Variants in EPHA5 observed in about 807,000 individuals in gnomAD.
EPHA5 encodes the protein ephrin type-A receptor 5.
EPHA5 carries 60 observed loss-of-function variants against 105.0 expected under a neutral mutation model. The observed-to-expected ratio is 0.57, with a 90% CI of 0.46 to 0.71. EPHA5 has a LOEUF of 0.71. Among genes scored for constraint, EPHA5 ranks in the 30% least tolerant of loss-of-function variants. EPHA5 has a pLI of 0.00. For missense variants in EPHA5, 1,218 were observed against 1,274.7 expected, an observed-to-expected ratio of 0.96 and a Z score of 0.68; for synonymous variants, 513 against 449.1, an observed-to-expected ratio of 1.14 and a Z score of -1.80.
intron 1 of EPHA5, among the ~76,000 whole-genome samples, chr4:65,652,151 C>G (rs1186101687): frequency 6.6e-6 from 1 of 152,122 alleles, no homozygotes; most frequent in Non-Finnish European, 1.5e-5. Flanking sequence ...TAATTCCACC[C>G]TACTATGTAT....
chr4:65,321,767 A>T lies in EPHA5; in HGVS notation c.*2347T>A, dbSNP rs1187860780. On this transcript the variant is annotated 3_prime_UTR_variant, in exon 17 of 17. Coordinates refer to ENST00000613740, the MANE Select transcript of EPHA5 (RefSeq NM_001281766.3). ...AGATACACTCCACCCGGACCTCCTA[A>T]TTATCTTTCAGCATATAAAGTTGGA... is the stretch of plus-strand genomic sequence containing the variant. The T allele has an allele frequency of 4.4e-6, 1 of 227,906 alleles. No individual in the cohort carries two copies. The highest frequency in any genetic ancestry group is 2.2e-5 in the African/African-American group (1 of 45,008). 14.1% of individuals were successfully genotyped at this position (227,906 alleles called of 1,614,324 possible). A position where few individuals can be genotyped will look rare whatever the true frequency, so the allele number is the denominator to read the frequency against.
chr4:65,648,005 A>G (rs951163745), intron 1 of EPHA5, among the ~76,000 whole-genome samples: 40 of 152,212 alleles, frequency 2.6e-4, no homozygotes, highest in African/African-American at 8.0e-4. Flanking sequence ...AGTCTTTAGT[A>G]TGCTTTAATT....
intron 14 of EPHA5, among the ~76,000 whole-genome samples, chr4:65,343,314 T>A (rs1412714158): frequency 6.6e-6 from 1 of 152,128 alleles, no homozygotes; most frequent in Non-Finnish European, 1.5e-5. Flanking sequence ...GTTGTTCTAG[T>A]TTATTTTCAT....
chr4:65,396,706 C>T (rs916756970), intron 8 of EPHA5, among the ~76,000 whole-genome samples: 23 of 152,182 alleles, frequency 1.5e-4, no homozygotes, highest in African/African-American at 4.8e-4. Context: ...ATCCCACTGC[C>T]TTCCTGGAAA....
At chr4:65,517,479 T>A (rs1393629905) in intron 3 of EPHA5, among the ~76,000 whole-genome samples, 2 of 151,946 alleles carry the variant, frequency 1.3e-5, no homozygotes, top group Non-Finnish European at 2.9e-5. Context: ...ACTCTAATGA[T>A]CTGCACCTTT....
rs574117420 is a variant in EPHA5 at position 65,541,989 on chromosome 4, C to T, written c.911-46446G>A. 7.9e-5 allele frequency among the ~76,000 whole-genome samples: 12 copies of T among 152,036 alleles called. No individual in the cohort carries two copies. In the East Asian group the frequency reaches 2.3e-3, roughly 29 times the overall value. On this transcript the variant is annotated intron_variant, in intron 3 of 16. Coordinates refer to ENST00000613740, the MANE Select transcript of EPHA5 (RefSeq NM_001281766.3). Reference sequence around the variant, plus strand: ...AATTGAACAACCTGTTCCTAAATGACTCCTGGGTAAATAATTAAAGTAAGG... The same window carrying T: ...AATTGAACAACCTGTTCCTAAATGATTCCTGGGTAAATAATTAAAGTAAGG...
At chr4:65,629,134 T>C (rs1048474030) in intron 2 of EPHA5, among the ~76,000 whole-genome samples, 1 of 152,170 alleles carries the variant, frequency 6.6e-6, no homozygotes, top group Admixed American at 6.5e-5. Context: ...AAATTCCACA[T>C]AGGAAAAGCA....
intron 3 of EPHA5, among the ~76,000 whole-genome samples, chr4:65,522,316 G>GTGTATATATATATATATATATATA (rs777066757): frequency 7.0e-6 from 1 of 142,860 alleles, no homozygotes; most frequent in Non-Finnish European, 1.5e-5. Context: ...ATATATATAT[G>GTGTATATATATATATATATATATA]TATATATATA....
At chr4:65,384,503 T>C (rs1009542633) in intron 8 of EPHA5, among the ~76,000 whole-genome samples, 2 of 151,862 alleles carry the variant, frequency 1.3e-5, no homozygotes, top group Admixed American at 1.3e-4. Flanking sequence ...CCTAGGATGC[T>C]CTGATTTTAG....
intron 4 of EPHA5, among the ~76,000 whole-genome samples, chr4:65,492,201 T>A (rs566826928): frequency 1.3e-5 from 2 of 152,146 alleles, no homozygotes; most frequent in South Asian, 4.2e-4. Context: ...GGATAGAATG[T>A]CATTTATCTA....
At chr4:65,598,316 C>T (rs927095319) in intron 3 of EPHA5, among the ~76,000 whole-genome samples, 2 of 152,012 alleles carry the variant, frequency 1.3e-5, no homozygotes, top group African/African-American at 4.8e-5. Context: ...AAAGACATAT[C>T]CATCAATTTT....
chr4:65,379,762 A>T (rs1349015643), intron 8 of EPHA5, among the ~76,000 whole-genome samples: 1 of 151,752 alleles, frequency 6.6e-6, no homozygotes, highest in East Asian at 1.9e-4. Context: ...CTAAATAAAC[A>T]TTACATTCAG....
chr4:65,370,412 C>T (rs2148903073), intron 8 of EPHA5, among the ~76,000 whole-genome samples: 1 of 151,804 alleles, frequency 6.6e-6, no homozygotes, highest in African/African-American at 2.4e-5. Flanking sequence ...TAAAATTATC[C>T]AGAGATTTAT....
chr4:65,560,129 A>G (rs988050954), intron 3 of EPHA5, among the ~76,000 whole-genome samples: 1 of 152,142 alleles, frequency 6.6e-6, no homozygotes, highest in African/African-American at 2.4e-5. Context: ...TGGAACCTAC[A>G]GCTCATTCTT....
chr4:65,543,322 C>G (rs1331405075), intron 3 of EPHA5, among the ~76,000 whole-genome samples: 1 of 151,832 alleles, frequency 6.6e-6, no homozygotes, highest in East Asian at 1.9e-4. Flanking sequence ...TTTAGAAAAC[C>G]CCATCATCTC....
intron 2 of EPHA5, among the ~76,000 whole-genome samples, chr4:65,615,465 G>A (rs1199587634): frequency 1.3e-5 from 2 of 151,778 alleles, no homozygotes; most frequent in Admixed American, 6.6e-5. Context: ...ATGAAACAAT[G>A]AAGGCCAGAA....
chr4:65,482,405 T>C (rs1730465095), intron 5 of EPHA5, among the ~76,000 whole-genome samples: 1 of 152,066 alleles, frequency 6.6e-6, no homozygotes, highest in Admixed American at 6.6e-5. Context: ...ACAACAATGC[T>C]ATCTTTAAAA....
intron 5 of EPHA5, among the ~76,000 whole-genome samples, chr4:65,433,971 C>T (rs1196276888): frequency 6.6e-6 from 1 of 152,160 alleles, no homozygotes. Context: ...AAGAGAATCG[C>T]TTGAACCCGG....
intron 5 of EPHA5, among the ~76,000 whole-genome samples, chr4:65,440,462 C>A (rs1263931486): frequency 1.4e-5 from 2 of 145,724 alleles, no homozygotes; most frequent in African/African-American, 2.5e-5. Context: ...ATATGTAAAT[C>A]TTTTGTTTTT....
Sources: gnomAD v4.1 joint callset for allele counts (sites outside exome capture counted in the v4.1 genomes callset) on GRCh38, gnomAD v4.1.1 for gene constraint, MANE v1.5 for transcripts, NCBI Gene and HGNC (gene_info 2026-07-23, HGNC 2026-07-21) for gene names.